Variants in CADPS observed in about 807,000 individuals in gnomAD.
CADPS encodes calcium-dependent secretion activator 1.
A neutral mutation model predicts 167.3 loss-of-function variants in CADPS; 57 were observed. The observed-to-expected ratio is 0.34, with a 90% confidence interval of 0.28 to 0.42. CADPS has a LOEUF of 0.42. CADPS is among the 20% of genes least tolerant of loss of function. CADPS has a pLI of 1.00. For missense variants in CADPS, 1,414 were observed against 1,738.1 expected (o/e 0.81, Z 3.32); for synonymous variants, 676 against 635.3 (o/e 1.06, Z -0.96).
chr3:62,515,686 A>G (rs2068805250), intron 16 of CADPS, among the ~76,000 whole-genome samples: 3 of 152,108 alleles, frequency 2.0e-5, no homozygotes, highest in African/African-American at 7.2e-5. Flanking sequence ...AGCGGACAAC[A>G]GACTGCTTTA....
At chr3:62,760,342 A>T (rs567693821) in intron 2 of CADPS, among the ~76,000 whole-genome samples, 51 of 152,310 alleles carry the variant, frequency 3.3e-4, no homozygotes, top group African/African-American at 1.2e-3. Context: ...CTGAGGTCCC[A>T]GAGTCAGTGT....
At chr3:62,784,334 TGTGTG>T (rs2092158082) in intron 1 of CADPS, among the ~76,000 whole-genome samples, 1 of 152,188 alleles carries the variant, frequency 6.6e-6, no homozygotes, top group Admixed American at 6.5e-5. Context: ...TCAAGCTTTT[TGTGTG>T]TGTTTGTGCA....
At chr3:62,768,267 TC>T (rs945689043) in intron 1 of CADPS, among the ~76,000 whole-genome samples, 42 of 152,266 alleles carry the variant, frequency 2.8e-4, no homozygotes, top group African/African-American at 9.9e-4. Context: ...AGTTCACAAA[TC>T]CTAACAGTAT....
At chr3:62,661,990 G>C (rs2073343831) in intron 4 of CADPS, among the ~76,000 whole-genome samples, 1 of 152,184 alleles carries the variant, frequency 6.6e-6, no homozygotes, top group South Asian at 2.1e-4. Context: ...CAAGGAGCTA[G>C]ATTTTGAAGG....
chr3:62,443,802 C>G (rs1024840181), intron 27 of CADPS, among the ~76,000 whole-genome samples: 3 of 152,148 alleles, frequency 2.0e-5, no homozygotes, highest in Non-Finnish European at 4.4e-5. Flanking sequence ...TCTGGTATGT[C>G]TTCATAGTAG....
chr3:62,686,393 G>A (rs562931589), intron 3 of CADPS, among the ~76,000 whole-genome samples: 2 of 152,042 alleles, frequency 1.3e-5, no homozygotes, highest in Admixed American at 1.3e-4. Context: ...GCTGACATCA[G>A]TGGACAGAAA....
chr3:62,870,498 C>A (rs141847229), intron 1 of CADPS, among the ~76,000 whole-genome samples: 1 of 152,122 alleles, frequency 6.6e-6, no homozygotes, highest in Non-Finnish European at 1.5e-5. Context: ...GAAAGAATTT[C>A]TATGGCTATG....
At chr3:62,675,675 T>C (rs2076231638) in intron 3 of CADPS, among the ~76,000 whole-genome samples, 1 of 152,096 alleles carries the variant, frequency 6.6e-6, no homozygotes, top group South Asian at 2.1e-4. Flanking sequence ...GGTCTCGTAA[T>C]CTAATTTACT....
At chr3:62,629,051 C>T (rs914993510) in intron 6 of CADPS, among the ~76,000 whole-genome samples, 2 of 152,138 alleles carry the variant, frequency 1.3e-5, no homozygotes, top group Non-Finnish European at 2.9e-5. Flanking sequence ...CTTATGTCTA[C>T]TCTCTTAAGA....
intron 2 of CADPS, among the ~76,000 whole-genome samples, chr3:62,762,772 T>C (rs1301953643): frequency 1.3e-5 from 2 of 152,080 alleles, no homozygotes; most frequent in Non-Finnish European, 2.9e-5. Flanking sequence ...GAGGAAGCCC[T>C]GGAACTAATG....
chr3:62,473,537 A>G (rs909891072), intron 24 of CADPS, among the ~76,000 whole-genome samples: 4 of 152,202 alleles, frequency 2.6e-5, no homozygotes, highest in East Asian at 1.9e-4. Context: ...AATGATCATG[A>G]TAGTCTTTAA....
intron 28 of CADPS, among the ~76,000 whole-genome samples, chr3:62,435,997 G>T (rs2054946913): frequency 6.6e-6 from 1 of 151,830 alleles, no homozygotes; most frequent in African/African-American, 2.4e-5. Flanking sequence ...AAGGCTGGAG[G>T]GCTTGAATTT....
chr3:62,447,665 G>A (rs370994303), intron 26 of CADPS, among the ~76,000 whole-genome samples: 9 of 152,140 alleles, frequency 5.9e-5, no homozygotes, highest in African/African-American at 1.9e-4. Context: ...AAGGAGCCAC[G>A]TCACTGATCA....
intron 1 of CADPS, among the ~76,000 whole-genome samples, chr3:62,791,287 C>G (rs2092922420): frequency 6.6e-6 from 1 of 152,122 alleles, no homozygotes; most frequent in African/African-American, 2.4e-5. Flanking sequence ...TTAGTTAGTG[C>G]TTGCAATATG....
intron 8 of CADPS, among the ~76,000 whole-genome samples, chr3:62,584,422 T>C (rs145853032): frequency 2.0e-4 from 30 of 152,356 alleles, no homozygotes; most frequent in African/African-American, 7.2e-4. Flanking sequence ...AGCAGAATGA[T>C]AGCCAGTTGG....
At chr3:62,598,151 G>A (rs1238074114) in intron 6 of CADPS, among the ~76,000 whole-genome samples, 3 of 152,058 alleles carry the variant, frequency 2.0e-5, no homozygotes, top group African/African-American at 4.8e-5. Context: ...TAAGAATTTC[G>A]AGATGGCAAC....
At chr3:62,677,483 T>G (rs2076504990) in intron 3 of CADPS, among the ~76,000 whole-genome samples, 1 of 152,024 alleles carries the variant, frequency 6.6e-6, no homozygotes, top group African/African-American at 2.4e-5. Flanking sequence ...CTAGAGACAT[T>G]TTTCGTTGTC....
chr3:62,578,225 T>C (rs1253864337), intron 8 of CADPS, among the ~76,000 whole-genome samples: 1 of 150,718 alleles, frequency 6.6e-6, no homozygotes, highest in East Asian at 1.9e-4. Flanking sequence ...CTGGAGGGGC[T>C]ATATCACTGT....
intron 1 of CADPS, among the ~76,000 whole-genome samples, chr3:62,828,670 T>G (rs2074505089): frequency 1.3e-5 from 2 of 152,058 alleles, no homozygotes; most frequent in Admixed American, 1.3e-4. Flanking sequence ...CATACTTATT[T>G]AAAAAAAGCA....
Sources: allele counts gnomAD v4.1 joint callset (sites outside exome capture counted in the v4.1 genomes callset), GRCh38; gene constraint gnomAD v4.1.1; transcripts MANE v1.5; gene names NCBI Gene and HGNC (gene_info 2026-07-23, HGNC 2026-07-21).